Variants in MECOM observed in about 807,000 individuals in gnomAD.
The protein encoded by MECOM is MDS1 and EVI1 complex locus.
A neutral mutation model predicts 116.3 loss-of-function variants in MECOM; 13 were observed. That is an observed-to-expected ratio of 0.11 (90% confidence interval 0.07 to 0.18). MECOM has a LOEUF of 0.18. Ranked by LOEUF, MECOM falls within the 10% of genes least tolerant of loss-of-function variation. MECOM has a pLI of 1.00. For missense variants in MECOM, 1,299 were observed against 1,509.0 expected (o/e 0.86, Z 2.31); for synonymous variants, 528 against 535.2 (o/e 0.99, Z 0.19).
chr3:169,261,528 G>A (rs756641903), intron 2 of MECOM, among the ~76,000 whole-genome samples: 12 of 152,084 alleles, frequency 7.9e-5, no homozygotes, highest in South Asian at 2.1e-4. Flanking sequence ...GTGAAACCCC[G>A]TCTCTACTAA....
At chr3:169,315,053 C>T (rs1353167894) in intron 2 of MECOM, among the ~76,000 whole-genome samples, 1 of 152,146 alleles carries the variant, frequency 6.6e-6, no homozygotes, top group Non-Finnish European at 1.5e-5. Context: ...GAAATTGAGG[C>T]CCTGAGTAAC....
intron 1 of MECOM, among the ~76,000 whole-genome samples, chr3:169,463,434 G>A (rs1198301087): frequency 6.6e-6 from 1 of 152,166 alleles, no homozygotes; most frequent in Non-Finnish European, 1.5e-5. Context: ...TTGGCATCTG[G>A]TTTTGCTAAA....
At chr3:169,306,529 A>G (rs1717728704) in intron 2 of MECOM, among the ~76,000 whole-genome samples, 2 of 152,268 alleles carry the variant, frequency 1.3e-5, no homozygotes, top group African/African-American at 2.4e-5. Context: ...AAAAAATACA[A>G]AAATTAGCTG....
chr3:169,355,591 T>C (rs1335434555), intron 2 of MECOM, among the ~76,000 whole-genome samples: 2 of 152,004 alleles, frequency 1.3e-5, no homozygotes, highest in East Asian at 3.9e-4. Flanking sequence ...ATCACTGATG[T>C]CTTCTTTGGT....
chr3:169,126,726 T>C (rs1268214683), intron 5 of MECOM, among the ~76,000 whole-genome samples: 4 of 152,098 alleles, frequency 2.6e-5, no homozygotes, highest in Admixed American at 6.6e-5. Context: ...TAGTCATTTA[T>C]GCCTTAAAAT....
chr3:169,375,175 T>G (rs1208625637), intron 2 of MECOM, among the ~76,000 whole-genome samples: 2 of 152,012 alleles, frequency 1.3e-5, no homozygotes, highest in African/African-American at 2.4e-5. Flanking sequence ...GCTAAAGCAG[T>G]GTTTAGAGGG....
intron 1 of MECOM, among the ~76,000 whole-genome samples, chr3:169,568,029 T>G (rs1041656808): frequency 2.6e-5 from 4 of 151,814 alleles, no homozygotes; most frequent in African/African-American, 9.7e-5. Context: ...CCAGCTCATC[T>G]CATTGGGACT....
chr3:169,584,394 T>C (rs1019772485), intron 1 of MECOM, among the ~76,000 whole-genome samples: 2 of 150,888 alleles, frequency 1.3e-5, no homozygotes, highest in African/African-American at 2.4e-5. Context: ...TGAAACCCCG[T>C]CTCTACTAAA....
intron 1 of MECOM, among the ~76,000 whole-genome samples, chr3:169,471,748 T>A (rs1749283251): frequency 6.6e-6 from 1 of 152,362 alleles, no homozygotes; most frequent in Non-Finnish European, 1.5e-5. Flanking sequence ...TGTATAATTT[T>A]GGAGGCAAAC....
intron 2 of MECOM, among the ~76,000 whole-genome samples, chr3:169,157,938 G>T (rs1240310911): frequency 6.6e-6 from 1 of 152,152 alleles, no homozygotes; most frequent in African/African-American, 2.4e-5. Flanking sequence ...CATAGAGCTG[G>T]ATCATGATGT....
intron 2 of MECOM, among the ~76,000 whole-genome samples, chr3:169,248,672 G>A (rs1755887160): frequency 6.6e-6 from 1 of 152,122 alleles, no homozygotes; most frequent in Admixed American, 6.6e-5. Flanking sequence ...ACAAGTATTA[G>A]TTAAAATGAG....
intron 2 of MECOM, among the ~76,000 whole-genome samples, chr3:169,317,742 T>C (rs528102889): frequency 3.9e-5 from 6 of 152,298 alleles, no homozygotes; most frequent in African/African-American, 1.4e-4. Context: ...TGAGCTACCA[T>C]TGACTTTCTT....
intron 12 of MECOM, among the ~76,000 whole-genome samples, chr3:169,097,817 T>TTAAAAAAAAAAAA (rs1722127820): frequency 1.1e-5 from 1 of 87,194 alleles, no homozygotes; most frequent in Non-Finnish European, 2.2e-5. Context: ...ACTGTCTATA[T>TTAAAAAAAAAAAA]AAAAAAAAAA....
chr3:169,332,561 A>G (rs2149776338), intron 2 of MECOM, among the ~76,000 whole-genome samples: 1 of 152,170 alleles, frequency 6.6e-6, no homozygotes, highest in East Asian at 1.9e-4. Flanking sequence ...TGGTACGTAC[A>G]TGGTTTACAC....
chr3:169,150,995 T>G (rs1308405714), intron 2 of MECOM, among the ~76,000 whole-genome samples: 1 of 152,224 alleles, frequency 6.6e-6, no homozygotes, highest in Non-Finnish European at 1.5e-5. Context: ...CTGCCTTCAT[T>G]GTGTAACTGT....
intron 2 of MECOM, among the ~76,000 whole-genome samples, chr3:169,322,406 C>T (rs10490783): frequency 0.059 from 8,970 of 152,166 alleles, 304 homozygotes; most frequent in African/African-American, 0.093. Context: ...TTGTATACCG[C>T]TTTATTCTCC....
At chr3:169,268,452 C>G (rs1287910414) in intron 2 of MECOM, among the ~76,000 whole-genome samples, 1 of 152,150 alleles carries the variant, frequency 6.6e-6, no homozygotes, top group Non-Finnish European at 1.5e-5. Context: ...TTCTTATAAG[C>G]CTCCAATGAT....
At chr3:169,279,420 G>C (rs541448192) in intron 2 of MECOM, among the ~76,000 whole-genome samples, 1 of 152,278 alleles carries the variant, frequency 6.6e-6, no homozygotes, top group South Asian at 2.1e-4. Flanking sequence ...TAGTTGTTCA[G>C]TGGGAAATAT....
intron 1 of MECOM, among the ~76,000 whole-genome samples, chr3:169,578,900 C>T (rs1764807028): frequency 1.3e-5 from 2 of 152,152 alleles, no homozygotes; most frequent in South Asian, 2.1e-4. Flanking sequence ...TTGGGTAAGA[C>T]CATTGCCATT....
Sources: allele counts gnomAD v4.1 joint callset (sites outside exome capture counted in the v4.1 genomes callset), GRCh38; gene constraint gnomAD v4.1.1; transcripts MANE v1.5; gene names NCBI Gene and HGNC (gene_info 2026-07-23, HGNC 2026-07-21).